Variants in TMEM260 observed in about 807,000 individuals in gnomAD.
The protein encoded by TMEM260 is transmembrane protein 260, also known as protein O-mannosyl-transferase TMEM260.
TMEM260 carries 82 observed loss-of-function variants against 88.9 expected under a neutral mutation model. The ratio of observed to expected loss-of-function variants is 0.92; its 90% CI spans 0.77 to 1.11. The LOEUF (loss-of-function observed/expected upper bound fraction) is 1.11, where lower values mean the gene tolerates loss of function less well. Among genes scored for constraint, TMEM260 ranks in the 50% least tolerant of loss-of-function variants. The pLI is 0.00. For missense variants in TMEM260, 902 were observed against 853.4 expected (o/e 1.06, Z -0.71); for synonymous variants, 314 against 309.3 (o/e 1.02, Z -0.16).
intron 14 of TMEM260, among the ~76,000 whole-genome samples, chr14:56,635,371 C>T (rs949555085): frequency 6.6e-6 from 1 of 152,186 alleles, no homozygotes; most frequent in Non-Finnish European, 1.5e-5. Context: ...TCAGTACTTA[C>T]TGGAGGCCAG....
chr14:56,642,589 A>G (rs1425528827), intron 15 of TMEM260, among the ~76,000 whole-genome samples: 1 of 152,232 alleles, frequency 6.6e-6, no homozygotes, highest in Non-Finnish European at 1.5e-5. Context: ...TAACATCACA[A>G]TTAAAAGAGC....
chr14:56,590,208 A>G (rs1451348054), intron 3 of TMEM260, among the ~76,000 whole-genome samples: 1 of 152,220 alleles, frequency 6.6e-6, no homozygotes, highest in Non-Finnish European at 1.5e-5. Context: ...GCATTTTCTT[A>G]TAAGTAGAGG....
At chr14:56,632,508 C>G (rs965070163) in intron 12 of TMEM260, among the ~76,000 whole-genome samples, 2 of 152,214 alleles carry the variant, frequency 1.3e-5, no homozygotes, top group African/African-American at 2.4e-5. Context: ...TCCCTCCACT[C>G]TCTTCAAACC....
the TMEM260 span, among the ~76,000 whole-genome samples, chr14:56,659,744 C>A: frequency 6.6e-6 from 1 of 152,346 alleles, no homozygotes; most frequent in African/African-American, 2.4e-5. Context: ...TTAATACCCT[C>A]ATTCTTTCAA....
chr14:56,583,624 G>A (rs1885281399), intron 1 of TMEM260, among the ~76,000 whole-genome samples: 1 of 152,106 alleles, frequency 6.6e-6, no homozygotes, highest in South Asian at 2.1e-4. Context: ...ATAGACTCAA[G>A]CAGGTTCTAT....
intron 12 of TMEM260, among the ~76,000 whole-genome samples, chr14:56,628,396 CTT>C (rs765347739): frequency 6.6e-6 from 1 of 152,136 alleles, no homozygotes; most frequent in African/African-American, 2.4e-5. Context: ...CAGAGCAAAA[CTT>C]TATTTCTTTG....
chr14:56,611,463 G>C (rs1415852896), intron 6 of TMEM260, among the ~76,000 whole-genome samples: 5 of 152,164 alleles, frequency 3.3e-5, no homozygotes, highest in African/African-American at 9.7e-5. Flanking sequence ...CTAATCATTA[G>C]AGAAATGAAA....
In TMEM260 at chr14:56,585,872, G is replaced by T. The variant is rs144791089; in HGVS notation, c.304G>T (p.Gly102Ter). The T allele has an allele frequency of 6.2e-7, 1 of 1,613,088 alleles. No homozygotes were observed. Among genetic ancestry groups the T allele is most frequent in the Non-Finnish European group, 8.5e-7 (1 of 1,179,594 alleles). ...YRVNLLCGLF[G>*]AVAASLLFFT... ...CGTCAATCTTCTCTGTGGCTTATTT[G>T]GAGCAGTAGCTGCATCATTACTTTT... The change falls in exon 3 of 16, where the codon GGA becomes TGA. Residue 102 changes from glycine (G) to a stop codon, truncating the protein, a stop_gained. Coordinates refer to ENST00000261556, the MANE Select transcript of TMEM260 (RefSeq NM_017799.4). LOFTEE classifies it high-confidence loss of function.
chr14:56,612,406 C>G (rs1032239596), intron 7 of TMEM260, 121 bp downstream of exon 7: 5 of 828,446 alleles, frequency 6.0e-6, no homozygotes, highest in Non-Finnish European at 9.9e-6. Flanking sequence ...TAGTTGTTAC[C>G]TCTACAGTTA....
intron 3 of TMEM260, among the ~76,000 whole-genome samples, chr14:56,594,859 A>G (rs187782326): frequency 1.3e-4 from 20 of 152,366 alleles, no homozygotes; most frequent in Middle Eastern, 6.8e-3. Flanking sequence ...TGCTCTACAT[A>G]TATAACTCTG....
rs372956980 is a variant in TMEM260, at chr14:56,584,953, G to A, written c.161-48G>A. 8 of 1,553,148 alleles carry A rather than the reference G, an allele frequency of 5.2e-6. No individual in the cohort carries two copies. The African/African-American group carries it at 1.1e-4, about 21-fold the overall frequency. On this transcript the variant is annotated intron_variant, in intron 1 of 15. Transcript: ENST00000261556. The stretch of plus-strand genomic sequence containing the variant: ...TTTGGATTTTGAAAACTTTGGAGGA[G>A]TGTCATTCTCTAATAGTAATTATTG...
At chr14:56,643,094 A>T (rs1437990479) in intron 15 of TMEM260, among the ~76,000 whole-genome samples, 1 of 152,194 alleles carries the variant, frequency 6.6e-6, no homozygotes, top group South Asian at 2.1e-4. Context: ...ACAAGGAGGA[A>T]CTGGTACCAT....
In TMEM260 at chr14:56,621,605, C is replaced by T; in HGVS notation, c.1301C>T (p.Ala434Val). 1 of 1,613,546 alleles carries T rather than the reference C, an allele frequency of 6.2e-7. No individual in the cohort carries two copies. Residue 434 changes from alanine to valine, a missense_variant, in exon 11 of 16, where the codon GCA (alanine) becomes GTA (valine). By Grantham distance (64) the Ala-to-Val change is moderately conservative (BLOSUM62 0). Transcript: ENST00000261556. ...CTTCTCACCTCTATGCCTCATGATG[C>T]AATTATCTTACTCAGAGGAGATTTG... ...KNLLTSMPHD[A>V]IILLRGDLPG...
intron 6 of TMEM260, among the ~76,000 whole-genome samples, chr14:56,610,491 C>T (rs1416055379): frequency 5.9e-5 from 9 of 152,158 alleles, no homozygotes; most frequent in African/African-American, 1.9e-4. Flanking sequence ...ATCCACCCTC[C>T]TCGGCCTCCC....
chr14:56,634,887 T>C lies in TMEM260; in HGVS notation c.1725-12T>C. The stretch of plus-strand genomic sequence containing the variant: ...GTGACAGAAAGATATTACTGTTTTC[T>C]TGTAACTACAGGTTTGATCCATCTT... On this transcript the variant is annotated splice_polypyrimidine_tract_variant and intron_variant, in intron 13 of 15. Transcript: ENST00000261556. 1 of 1,610,982 alleles carries C rather than the reference T, an allele frequency of 6.2e-7. No homozygotes were observed. Among genetic ancestry groups the C allele is most frequent in the Non-Finnish European group, 8.5e-7 (1 of 1,178,984 alleles).
intron 1 of TMEM260, 109 bp from the exon 2 acceptor site, chr14:56,584,892 A>G (rs1179512801): frequency 4.3e-5 from 35 of 814,020 alleles, no homozygotes; most frequent in Non-Finnish European, 4.7e-5. Context: ...TTACAGTTTT[A>G]TCCAGTCAAA....
At chr14:56,655,044 T>C (rs1295356000), downstream of TMEM260, among the ~76,000 whole-genome samples, 2 of 152,128 alleles carry the variant, frequency 1.3e-5, no homozygotes, top group Non-Finnish European at 2.9e-5. Context: ...GTGACATTTG[T>C]TAGCCACTTA....
rs28874368 is a variant in TMEM260 at position 56,629,774 on chromosome 14, A to G, written c.1548-3221A>G. Among the ~76,000 whole-genome samples the G allele has an allele frequency of 9.1e-3, 1,383 of 152,312 alleles. 28 individuals are homozygous for G. Among genetic ancestry groups the G allele is most frequent in the African/African-American group, 0.032 (1,328 of 41,570 alleles). Reference sequence around the variant, plus strand: ...TACTTTAGGCTGGGCACAGTGGCTCATGCCTGTAATTCCAGCACTTTGGGA... The same window carrying G: ...TACTTTAGGCTGGGCACAGTGGCTCGTGCCTGTAATTCCAGCACTTTGGGA... On this transcript the variant is annotated intron_variant, in intron 12 of 15. Transcript: ENST00000261556.
chr14:56,585,331 C>T (rs1165285866), intron 2 of TMEM260, among the ~76,000 whole-genome samples: 3 of 151,948 alleles, frequency 2.0e-5, no homozygotes, highest in Non-Finnish European at 2.9e-5. Context: ...ATTTAATAAA[C>T]TTTATTATGG....
Sources: gnomAD v4.1 joint callset for allele counts (sites outside exome capture counted in the v4.1 genomes callset) on GRCh38, gnomAD v4.1.1 for gene constraint, MANE v1.5 for transcripts, NCBI Gene and HGNC (gene_info 2026-07-23, HGNC 2026-07-21) for gene names.